Variants in WWOX observed in about 807,000 individuals in gnomAD.
WWOX encodes WW domain-containing oxidoreductase.
WWOX carries 69 observed loss-of-function variants against 46.2 expected under a neutral mutation model. The observed-to-expected ratio is 1.49, with a 90% CI of 1.23 to 1.82. The LOEUF (loss-of-function observed/expected upper bound fraction) is 1.82, where lower values mean the gene tolerates loss of function less well. WWOX is among the 40% of genes most tolerant of loss of function. The probability of loss-of-function intolerance (pLI) is 0.00; values close to 1 mark genes in which losing one functional copy is unlikely to be tolerated. For synonymous variants in WWOX, 359 were observed against 202.6 expected, an observed-to-expected ratio of 1.77 and a Z score of -6.56; for missense variants, 919 against 542.6, an observed-to-expected ratio of 1.69 and a Z score of -6.89.
chr16:78,571,093 A>G (rs891925950), intron 8 of WWOX, among the ~76,000 whole-genome samples: 1 of 152,202 alleles, frequency 6.6e-6, no homozygotes, highest in African/African-American at 2.4e-5. Flanking sequence ...CTTTATCTGC[A>G]ATGGGAAAGC....
At position 78,285,981 on chromosome 16, in the gene WWOX, A is replaced by G. The variant is rs77775787; in HGVS notation, c.517-100879A>G. 7.5e-3 allele frequency among the ~76,000 whole-genome samples: 1,144 copies of G among 152,310 alleles called. 21 individuals carry two copies. The highest frequency in any genetic ancestry group is 0.026 in the African/African-American group (1,097 of 41,566). On this transcript the variant is annotated intron_variant, in intron 5 of 8. Coordinates refer to ENST00000566780, the MANE Select transcript of WWOX (RefSeq NM_016373.4). Reference sequence around the variant, plus strand: ...TAGTGAATTATGCATGTTAGAACTCACAGCACCGTCTCTGCCCACTCTTTT... The same window carrying G: ...TAGTGAATTATGCATGTTAGAACTCGCAGCACCGTCTCTGCCCACTCTTTT...
At chr16:78,695,529 C>A (rs559165735) in intron 8 of WWOX, among the ~76,000 whole-genome samples, 2 of 152,280 alleles carry the variant, frequency 1.3e-5, no homozygotes, top group South Asian at 4.1e-4. Flanking sequence ...GAGTAGCATG[C>A]AGATCCCACC....
intron 5 of WWOX, among the ~76,000 whole-genome samples, chr16:78,347,003 G>C (rs377719596): frequency 4.2e-5 from 5 of 119,974 alleles, no homozygotes; most frequent in East Asian, 1.9e-4. Flanking sequence ...GGGATTACAG[G>C]TGTGAGCCAC....
At chr16:78,638,088 T>C (rs1009117542) in intron 8 of WWOX, among the ~76,000 whole-genome samples, 1 of 152,226 alleles carries the variant, frequency 6.6e-6, no homozygotes, top group Non-Finnish European at 1.5e-5. Flanking sequence ...CAATCCAAGC[T>C]AAGCTCTTCT....
At chr16:79,161,645 C>T (rs2050488903) in intron 8 of WWOX, among the ~76,000 whole-genome samples, 1 of 152,122 alleles carries the variant, frequency 6.6e-6, no homozygotes, top group Non-Finnish European at 1.5e-5. Context: ...GCCTCAGCTT[C>T]CCGAGTAGCT....
intron 8 of WWOX, among the ~76,000 whole-genome samples, chr16:78,564,104 C>T (rs1239386615): frequency 1.3e-5 from 2 of 152,218 alleles, no homozygotes; most frequent in Non-Finnish European, 2.9e-5. Context: ...CCTACAGACG[C>T]AACTGCCTTG....
intron 8 of WWOX, among the ~76,000 whole-genome samples, chr16:79,051,777 G>A (rs1463337332): frequency 6.6e-6 from 1 of 152,206 alleles, no homozygotes; most frequent in Non-Finnish European, 1.5e-5. Context: ...TAGAAGCAAA[G>A]TTAATTCAAA....
At chr16:78,541,502 A>T (rs1434531369) in intron 8 of WWOX, among the ~76,000 whole-genome samples, 1 of 149,994 alleles carries the variant, frequency 6.7e-6, no homozygotes, top group Non-Finnish European at 1.5e-5. Context: ...AAAAAAAAAA[A>T]AAAAGACACG....
intron 5 of WWOX, among the ~76,000 whole-genome samples, chr16:78,272,864 C>T (rs993888100): frequency 6.6e-6 from 1 of 152,102 alleles, no homozygotes; most frequent in Non-Finnish European, 1.5e-5. Flanking sequence ...GTGGTAGTAT[C>T]ATTTTGGTCT....
intron 6 of WWOX, among the ~76,000 whole-genome samples, chr16:78,400,272 A>T (rs886296874): frequency 2.6e-5 from 4 of 152,226 alleles, no homozygotes; most frequent in African/African-American, 9.6e-5. Flanking sequence ...GTTATGCATA[A>T]GGTGACAAAT....
In WWOX at chr16:78,936,626, G is replaced by C. The variant is rs77992064; in HGVS notation, c.1057-274982G>C. Among the ~76,000 whole-genome samples the C allele has an allele frequency of 4.7e-3, 713 of 152,242 alleles. 10 individuals are homozygous for C. The highest frequency in any genetic ancestry group is 0.016 in the African/African-American group (655 of 41,546). On this transcript the variant is annotated intron_variant, in intron 8 of 8. Transcript: ENST00000566780. ...TGGGCAAGGTCCACAGGCTGGATGG[G>C]TTTTGGAACATGTCTTGATTGTACT...
At chr16:78,730,638 T>TA (rs2048947365) in intron 8 of WWOX, among the ~76,000 whole-genome samples, 1 of 147,376 alleles carries the variant, frequency 6.8e-6, no homozygotes, top group African/African-American at 2.6e-5. Context: ...TTTTTTTTTT[T>TA]AAGTAGAGAC....
At chr16:79,014,010 C>T (rs1341142108) in intron 8 of WWOX, among the ~76,000 whole-genome samples, 1 of 152,140 alleles carries the variant, frequency 6.6e-6, no homozygotes, top group African/African-American at 2.4e-5. Context: ...AGTTGGCATG[C>T]GATATGCTTC....
intron 8 of WWOX, among the ~76,000 whole-genome samples, chr16:78,674,930 G>A (rs986929354): frequency 6.6e-6 from 1 of 151,960 alleles, no homozygotes; most frequent in African/African-American, 2.4e-5. Context: ...GTATGCATGG[G>A]TTTGTTCAAG....
intron 5 of WWOX, among the ~76,000 whole-genome samples, chr16:78,335,219 G>T (rs534102533): frequency 2.6e-5 from 4 of 152,156 alleles, no homozygotes; most frequent in Non-Finnish European, 5.9e-5. Context: ...TTGCTGCAGA[G>T]ATCAACTTAT....
intron 8 of WWOX, among the ~76,000 whole-genome samples, chr16:79,096,420 G>C (rs1177304705): frequency 1.3e-5 from 2 of 151,986 alleles, no homozygotes; most frequent in East Asian, 3.9e-4. Context: ...CTGCTCACTG[G>C]GTTCCAGCTG....
rs372550863 is a variant in WWOX, at chr16:78,561,547, G to A, written c.1056+128795G>A. Among the ~76,000 whole-genome samples the A allele has an allele frequency of 9.2e-5, 14 of 152,138 alleles. No homozygotes were observed. The East Asian group carries it at 1.9e-3, about 21-fold the overall frequency. ...GCGTACACCATGGACCGGGAATCCG[G>A]GAGGCCAATTTAGAATTTTATGTAT... On this transcript the variant is annotated intron_variant, in intron 8 of 8. Transcript: ENST00000566780.
chr16:78,640,550 C>T (rs776418274), intron 8 of WWOX, among the ~76,000 whole-genome samples: 1 of 152,060 alleles, frequency 6.6e-6, no homozygotes, highest in Non-Finnish European at 1.5e-5. Context: ...GTAGGTGATA[C>T]GTTGATCTGT....
At chr16:78,361,364 C>T (rs546300172) in intron 5 of WWOX, among the ~76,000 whole-genome samples, 15 of 152,192 alleles carry the variant, frequency 9.9e-5, no homozygotes, top group South Asian at 2.1e-4. Context: ...TGAGTTTTTC[C>T]AATGTAATGT....
Sources: allele counts gnomAD v4.1 joint callset (sites outside exome capture counted in the v4.1 genomes callset), GRCh38; gene constraint gnomAD v4.1.1; transcripts MANE v1.5; gene names NCBI Gene and HGNC (gene_info 2026-07-23, HGNC 2026-07-21).